Variants in FGF12 observed in about 807,000 individuals in gnomAD.
FGF12 encodes the protein fibroblast growth factor 12B.
In FGF12, 14 loss-of-function variants were observed where a neutral mutation model predicts 23.6. The ratio of observed to expected loss-of-function variants is 0.59; its 90% CI spans 0.39 to 0.93. The LOEUF (loss-of-function observed/expected upper bound fraction) is 0.93. FGF12 is among the 40% of genes least tolerant of loss of function. The probability of loss-of-function intolerance (pLI) is 0.00; values close to 1 mark genes in which losing one functional copy is unlikely to be tolerated. For synonymous variants in FGF12, 62 were observed against 77.3 expected (o/e 0.80, Z 1.04); for missense variants, 175 against 217.8 (o/e 0.80, Z 1.24).
chr3:192,692,710 T>A lies in FGF12; in HGVS notation c.13+34471A>T, dbSNP rs904052577. ...GGTGACAGAGTCAGCAGACCCTGTCTAAAAAAAAAAAAAAAAATCATTTTA... is the reference window on the plus strand; with the variant it reads ...GGTGACAGAGTCAGCAGACCCTGTCAAAAAAAAAAAAAAAAAATCATTTTA... On this transcript the variant is annotated intron_variant, in intron 2 of 5. Transcript: ENST00000445105. Among the ~76,000 whole-genome samples, 361 of 123,198 alleles carry A rather than the reference T, an allele frequency of 2.9e-3. 6 individuals carry two copies. Among genetic ancestry groups the A allele is most frequent in the Non-Finnish European group, 1.3e-3 (72 of 56,702 alleles). The allele number at this position is 123,198 out of a possible 152,430, so 80.8% of individuals were successfully genotyped here.
chr3:192,637,074 T>C (rs1715609239), intron 2 of FGF12, among the ~76,000 whole-genome samples: 1 of 152,210 alleles, frequency 6.6e-6, no homozygotes, highest in Admixed American at 6.5e-5. Flanking sequence ...AGCTGATAAA[T>C]AGATGTTTCC....
intron 2 of FGF12, among the ~76,000 whole-genome samples, chr3:192,516,224 A>T (rs1054004717): frequency 2.0e-5 from 3 of 152,206 alleles, no homozygotes; most frequent in African/African-American, 7.2e-5. Context: ...GTTGTGAATC[A>T]TTTTCACTTT....
intron 2 of FGF12, among the ~76,000 whole-genome samples, chr3:192,639,908 C>A (rs1041779161): frequency 1.3e-5 from 2 of 151,844 alleles, no homozygotes; most frequent in African/African-American, 4.8e-5. Context: ...AGAAAAAGAT[C>A]CTGCCATTTG....
At chr3:192,633,668 A>G (rs919766077) in intron 2 of FGF12, among the ~76,000 whole-genome samples, 12 of 152,196 alleles carry the variant, frequency 7.9e-5, no homozygotes, top group African/African-American at 2.9e-4. Context: ...ATCACCCTGC[A>G]AAAGCCCCCG....
chr3:192,158,425 T>TTCTTTCTTTCTC (rs1560171683), intron 5 of FGF12, among the ~76,000 whole-genome samples: 1 of 134,230 alleles, frequency 7.4e-6, no homozygotes, highest in Admixed American at 7.7e-5. Context: ...CTCTTTCTTT[T>TTCTTTCTTTCTC]TCTTTTTTCT....
intron 2 of FGF12, among the ~76,000 whole-genome samples, chr3:192,654,165 T>C (rs1225092644): frequency 4.6e-5 from 7 of 152,220 alleles, no homozygotes; most frequent in African/African-American, 1.7e-4. Flanking sequence ...ATTTTAGGCT[T>C]GGAAGTAGGC....
chr3:192,253,469 A>G (rs1712170510), intron 4 of FGF12, among the ~76,000 whole-genome samples: 2 of 152,130 alleles, frequency 1.3e-5, no homozygotes, highest in Admixed American at 1.3e-4. Context: ...AGAATGAAAA[A>G]AATGGAAAGA....
chr3:192,520,751 C>T (rs918311916), intron 2 of FGF12, among the ~76,000 whole-genome samples: 2 of 152,146 alleles, frequency 1.3e-5, no homozygotes, highest in African/African-American at 4.8e-5. Context: ...TCCCTCCTGG[C>T]CAGTTCCTGT....
chr3:192,442,634 GGTGTAT>G (rs1258518475), intron 2 of FGF12, among the ~76,000 whole-genome samples: 1 of 152,068 alleles, frequency 6.6e-6, no homozygotes, highest in Admixed American at 6.5e-5. Context: ...TCATCACACT[GGTGTAT>G]GTAATCAATT....
chr3:192,640,798 T>G (rs990969899), intron 2 of FGF12, among the ~76,000 whole-genome samples: 1 of 18,130 alleles, frequency 5.5e-5, no homozygotes, highest in African/African-American at 1.6e-4. Context: ...CCCTTTTTTT[T>G]GTTTGTTTGT....
intron 2 of FGF12, among the ~76,000 whole-genome samples, chr3:192,721,389 C>T (rs1474855359): frequency 1.3e-5 from 2 of 152,050 alleles, no homozygotes; most frequent in African/African-American, 4.8e-5. Flanking sequence ...GTCATTTAGT[C>T]TTTATGATCC....
At chr3:192,257,253 T>C (rs57387176) in intron 4 of FGF12, among the ~76,000 whole-genome samples, 2,100 of 152,270 alleles carry the variant, frequency 0.014, 38 homozygotes, top group East Asian at 0.046. Context: ...AGTCTCAGCA[T>C]TAGCATTTAG....
chr3:192,663,768 T>C (rs1286262779), intron 2 of FGF12, among the ~76,000 whole-genome samples: 1 of 152,128 alleles, frequency 6.6e-6, no homozygotes, highest in Non-Finnish European at 1.5e-5. Flanking sequence ...ATATATATTT[T>C]TGGCAGAAGA....
chr3:192,691,781 T>A (rs1333900358), intron 2 of FGF12, among the ~76,000 whole-genome samples: 1 of 151,398 alleles, frequency 6.6e-6, no homozygotes, highest in East Asian at 2.0e-4. Flanking sequence ...AACTTTTAGC[T>A]TGAATCACTA....
rs1213671404 is a variant in FGF12, at chr3:192,360,333, GT to G, written c.124+94del. 1 of 825,238 alleles carries G rather than the reference GT, an allele frequency of 1.2e-6. No individual in the cohort carries two copies. Among genetic ancestry groups the G allele is most frequent in the Non-Finnish European group, 2.1e-6 (1 of 487,764 alleles). The allele number at this position is 825,238 out of a possible 1,614,324, so 51.1% of individuals were successfully genotyped here. On this transcript the variant is annotated intron_variant, in intron 3 of 5. Transcript: ENST00000445105. This position sits in a 1 kb window ranked among gnomAD's most constrained non-coding sequence, Gnocchi z 4.3. ...ATAGTTAAATAGTTTGAAAGGCATA[GT>G]TTGGTAAGGCAGCTTAGCAATGCTT...
intron 2 of FGF12, among the ~76,000 whole-genome samples, chr3:192,555,586 C>A (rs1218759114): frequency 6.7e-6 from 1 of 148,298 alleles, no homozygotes; most frequent in Non-Finnish European, 1.5e-5. Context: ...AGTTGGAGAC[C>A]AGCCTGGCCA....
At chr3:192,269,495 C>G (rs762753948) in intron 4 of FGF12, among the ~76,000 whole-genome samples, 6 of 152,130 alleles carry the variant, frequency 3.9e-5, no homozygotes, top group Non-Finnish European at 7.3e-5. Flanking sequence ...CAATCTTGCT[C>G]AGTTCCTTCA....
At chr3:192,581,831 G>A (rs1038505778) in intron 2 of FGF12, among the ~76,000 whole-genome samples, 1 of 152,018 alleles carries the variant, frequency 6.6e-6, no homozygotes, top group African/African-American at 2.4e-5. Context: ...TCAATGTGCT[G>A]AGCACAGTTA....
intron 2 of FGF12, among the ~76,000 whole-genome samples, chr3:192,699,374 T>C (rs957790034): frequency 1.8e-4 from 28 of 152,238 alleles, no homozygotes; most frequent in African/African-American, 5.8e-4. Flanking sequence ...GTGGTAATCA[T>C]GGCTCTCAAA....
Sources: allele counts gnomAD v4.1 joint callset (sites outside exome capture counted in the v4.1 genomes callset), GRCh38; gene constraint gnomAD v4.1.1; non-coding constraint Gnocchi (gnomAD v3.1); transcripts MANE v1.5; gene names NCBI Gene and HGNC (gene_info 2026-07-23, HGNC 2026-07-21).